Variants in UGT1A10 observed in about 807,000 individuals in gnomAD.
The protein encoded by UGT1A10 is UDP glucuronosyltransferase family 1 member A10.
UGT1A10 carries 49 observed loss-of-function variants against 45.8 expected under a neutral mutation model. The ratio of observed to expected loss-of-function variants is 1.07; its 90% confidence interval spans 0.85 to 1.36. UGT1A10 has a LOEUF of 1.36. Among genes scored for constraint, UGT1A10 ranks in the 40% most tolerant of loss-of-function variants. The probability of loss-of-function intolerance (pLI) is 0.00; values close to 1 mark genes in which losing one functional copy is unlikely to be tolerated. For missense variants in UGT1A10, 745 were observed against 668.6 expected (o/e 1.11, Z -1.26); for synonymous variants, 284 against 249.7 (o/e 1.14, Z -1.29).
chr2:233,772,116 AAACAAC>A, intron 4 of UGT1A10, 140 bp from the exon 5 acceptor site: 1 of 1,531,302 alleles, frequency 6.5e-7, no homozygotes, highest in Non-Finnish European at 8.8e-7. Context: ...CTGTATCTAA[AAACAAC>A]AACAACAACA....
Position 233,733,630 on chromosome 2 carries a change from C to A in UGT1A10, c.856-33404C>A, listed in dbSNP as rs2078422347. 1.3e-5 allele frequency among the ~76,000 whole-genome samples: 2 copies of A among 152,174 alleles called. 1 individual carries two copies. The highest frequency in any genetic ancestry group is 4.2e-4 in the South Asian group (2 of 4,816). On this transcript the variant is annotated intron_variant, in intron 1 of 4. Transcript: ENST00000344644. ...CATTTATTGATTTGCATATGTTGAA[C>A]CAGCCTTGCATCCCAAGGATGAAGC...
intron 1 of UGT1A10, chr2:233,712,843 G>C (rs556220136): frequency 1.1e-5 from 16 of 1,515,268 alleles, no homozygotes; most frequent in Admixed American, 7.8e-5. Flanking sequence ...ATAGATTAAC[G>C]GGTAATAAGT....
intron 1 of UGT1A10, chr2:233,761,099 A>G: frequency 5.0e-6 from 8 of 1,614,170 alleles, no homozygotes; most frequent in African/African-American, 1.3e-5. Context: ...ATCATGCCCA[A>G]TATGGTTTTT....
intron 1 of UGT1A10, among the ~76,000 whole-genome samples, chr2:233,638,522 T>C (rs748248829): frequency 3.9e-5 from 6 of 152,200 alleles, no homozygotes; most frequent in Admixed American, 2.0e-4. Flanking sequence ...TATTATTGAG[T>C]AATATTGTTA....
At chr2:233,665,964 T>C (rs545744697) in intron 1 of UGT1A10, among the ~76,000 whole-genome samples, 22 of 152,264 alleles carry the variant, frequency 1.4e-4, no homozygotes, top group African/African-American at 5.1e-4. Context: ...TCCGTTTGCA[T>C]TGCGATAAAG....
chr2:233,668,624 T>C (rs2074123426), intron 1 of UGT1A10, among the ~76,000 whole-genome samples: 1 of 152,226 alleles, frequency 6.6e-6, no homozygotes, highest in Non-Finnish European at 1.5e-5. Context: ...CCTTGAGGAA[T>C]TGCCACACTG....
chr2:233,678,117 G>A (rs1423085538), intron 1 of UGT1A10, among the ~76,000 whole-genome samples: 1 of 152,098 alleles, frequency 6.6e-6, no homozygotes, highest in Non-Finnish European at 1.5e-5. Flanking sequence ...GCTAAATAGT[G>A]GGTACTTTTG....
chr2:233,666,398 G>A (rs1226871646), intron 1 of UGT1A10, among the ~76,000 whole-genome samples: 3 of 152,124 alleles, frequency 2.0e-5, no homozygotes, highest in Non-Finnish European at 2.9e-5. Context: ...ATTTTAACGG[G>A]ATGTGGATTA....
chr2:233,671,718 A>T, intron 1 of UGT1A10: 1 of 1,035,694 alleles, frequency 9.7e-7, no homozygotes, highest in Non-Finnish European at 1.3e-6. Context: ...ACCATAAGCT[A>T]CTGTTGTCTG....
At chr2:233,713,754 T>C (rs2076343281) in intron 1 of UGT1A10, 1 of 1,613,886 alleles carries the variant, frequency 6.2e-7, no homozygotes, top group African/African-American at 1.3e-5. Context: ...TGCATCTGTG[T>C]GGCTGTTCCG....
Position 233,722,490 on chromosome 2 carries a change from A to G in UGT1A10, c.856-44544A>G, listed in dbSNP as rs147045039. Among the ~76,000 whole-genome samples the G allele has an allele frequency of 2.3e-3, 357 of 152,016 alleles. 2 individuals are homozygous for G. Among genetic ancestry groups the G allele is most frequent in the East Asian group, 0.02 (103 of 5,174 alleles). ...ATTTGTATATTCTTTTCACTGTTTC[A>G]TTTTCCGTTTCGTTAATTGCAGCTT... On this transcript the variant is annotated intron_variant, in intron 1 of 4. Coordinates refer to ENST00000344644, the MANE Select transcript of UGT1A10 (RefSeq NM_019075.4).
At chr2:233,755,285 A>C (rs1468695441) in intron 1 of UGT1A10, 1 of 681,694 alleles carries the variant, frequency 1.5e-6, no homozygotes, top group Non-Finnish European at 2.3e-6. Flanking sequence ...ACTGCCAAAG[A>C]GCCTGCGGGG....
At chr2:233,689,771 G>A (rs1359946569) in intron 1 of UGT1A10, 1 of 315,896 alleles carries the variant, frequency 3.2e-6, no homozygotes, top group Non-Finnish European at 6.3e-6. Flanking sequence ...AACAACTCGG[G>A]GACATATGTT....
intron 1 of UGT1A10, among the ~76,000 whole-genome samples, chr2:233,733,852 A>G (rs1004381201): frequency 1.3e-5 from 2 of 151,136 alleles, no homozygotes; most frequent in African/African-American, 2.4e-5. Flanking sequence ...CTCTTTTTCT[A>G]TTGATTGGAA....
At chr2:233,747,534 A>G in intron 1 of UGT1A10, 1 of 1,605,506 alleles carries the variant, frequency 6.2e-7, no homozygotes. Context: ...ACATTTTCTG[A>G]AGACATTTTC....
At chr2:233,703,127 G>A (rs1038080992) in intron 1 of UGT1A10, among the ~76,000 whole-genome samples, 3 of 152,134 alleles carry the variant, frequency 2.0e-5, no homozygotes, top group Non-Finnish European at 4.4e-5. Context: ...CTTTTTACCT[G>A]TTATGGCTTT....
At chr2:233,771,979 G>A (rs35456228) in intron 4 of UGT1A10, among the ~76,000 whole-genome samples, 135 of 152,326 alleles carry the variant, frequency 8.9e-4, no homozygotes, top group African/African-American at 3.2e-3. Context: ...GCCAGACATA[G>A]TGGTGCATGA....
rs114158579 is a variant in UGT1A10, at chr2:233,687,163, G to C, written c.855+49786G>C. 3.8e-3 allele frequency among the ~76,000 whole-genome samples: 572 copies of C among 152,274 alleles called. 7 individuals are homozygous for C. Among genetic ancestry groups the C allele is most frequent in the African/African-American group, 0.013 (548 of 41,552 alleles). ...ATATGATAATACATGCAGATGACTGGCATGTGGATATGAATCAGCAATACC... is the reference window on the plus strand; with the variant it reads ...ATATGATAATACATGCAGATGACTGCCATGTGGATATGAATCAGCAATACC... On this transcript the variant is annotated intron_variant, in intron 1 of 4. Transcript: ENST00000344644.
At chr2:233,719,056 C>T in intron 1 of UGT1A10, 1 of 1,614,284 alleles carries the variant, frequency 6.2e-7, no homozygotes, top group Non-Finnish European at 8.5e-7. Flanking sequence ...ACCCTGACAG[C>T]CTATGCTGTT....
Sources: allele counts gnomAD v4.1 joint callset (sites outside exome capture counted in the v4.1 genomes callset), GRCh38; gene constraint gnomAD v4.1.1; transcripts MANE v1.5; gene names NCBI Gene and HGNC (gene_info 2026-07-23, HGNC 2026-07-21).